Variants in PTPRK observed in about 807,000 individuals in gnomAD.
The protein encoded by PTPRK is receptor-type tyrosine-protein phosphatase kappa.
In PTPRK, 75 loss-of-function variants were observed where a neutral mutation model predicts 178.0. The observed-to-expected ratio is 0.42, with a 90% CI of 0.35 to 0.51. PTPRK has a LOEUF of 0.51. Among genes scored for constraint, PTPRK ranks in the 20% least tolerant of loss-of-function variants. PTPRK has a pLI of 0.02. For synonymous variants in PTPRK, 637 were observed against 620.6 expected, an observed-to-expected ratio of 1.03 and a Z score of -0.39; for missense variants, 1,441 against 1,797.8, an observed-to-expected ratio of 0.80 and a Z score of 3.59.
At chr6:128,207,698 T>C (rs957414042) in intron 6 of PTPRK, among the ~76,000 whole-genome samples, 2 of 152,154 alleles carry the variant, frequency 1.3e-5, no homozygotes, top group Non-Finnish European at 2.9e-5. Context: ...GTATCTAATA[T>C]GTTGAAATTA....
chr6:128,275,133 T>C (rs1344839539), intron 3 of PTPRK, among the ~76,000 whole-genome samples: 1 of 152,044 alleles, frequency 6.6e-6, no homozygotes, highest in Non-Finnish European at 1.5e-5. Flanking sequence ...AACATAACAC[T>C]TATGATATAG....
Position 128,137,062 on chromosome 6 carries a change from GA to G in PTPRK, c.1163-47071del, listed in dbSNP as rs1795120320. Among the ~76,000 whole-genome samples, 4 of 152,228 alleles carry G rather than the reference GA, an allele frequency of 2.6e-5. No individual in the cohort carries two copies. The East Asian group carries it at 7.7e-4, about 29-fold the overall frequency. On this transcript the variant is annotated intron_variant, in intron 7 of 29. Transcript: ENST00000368226. ...GTTTTGCTTGTAGGGTTCCACTTGTGAGAGCTATACTCTGCAGGGGACAAAA... is the reference window on the plus strand; with the variant it reads ...GTTTTGCTTGTAGGGTTCCACTTGTGGAGCTATACTCTGCAGGGGACAAAA...
At chr6:128,349,350 G>A (rs1326668787) in intron 2 of PTPRK, among the ~76,000 whole-genome samples, 1 of 151,990 alleles carries the variant, frequency 6.6e-6, no homozygotes, top group Non-Finnish European at 1.5e-5. Context: ...CTGGATAGTG[G>A]TTTATAATTG....
chr6:128,401,872 A>C (rs569786656), intron 1 of PTPRK, among the ~76,000 whole-genome samples: 78 of 152,242 alleles, frequency 5.1e-4, no homozygotes, highest in Non-Finnish European at 9.6e-4. Flanking sequence ...ATGATCCTCA[A>C]AAATGGACAA....
At chr6:127,995,375 G>T in intron 18 of PTPRK, 87 bp downstream of exon 18, 1 of 1,503,894 alleles carries the variant, frequency 6.6e-7, no homozygotes, top group Middle Eastern at 1.7e-4. Flanking sequence ...ATTTTAAAAA[G>T]CTAGCAATCA....
intron 7 of PTPRK, among the ~76,000 whole-genome samples, chr6:128,132,624 C>T (rs1794428811): frequency 6.6e-6 from 1 of 152,244 alleles, no homozygotes; most frequent in South Asian, 2.1e-4. Context: ...GACACCACTA[C>T]TATGTGAACA....
chr6:128,135,426 AGTT>A (rs1327849673), intron 7 of PTPRK, among the ~76,000 whole-genome samples: 1 of 152,182 alleles, frequency 6.6e-6, no homozygotes, highest in Non-Finnish European at 1.5e-5. Context: ...AGATATAAGG[AGTT>A]GTTGTGTCTA....
intron 7 of PTPRK, among the ~76,000 whole-genome samples, chr6:128,114,238 T>C (rs1447766438): frequency 6.6e-6 from 1 of 151,990 alleles, no homozygotes; most frequent in Non-Finnish European, 1.5e-5. Flanking sequence ...CTTACAATTA[T>C]GGCAGAAGGT....
At chr6:128,228,169 G>A (rs1168825191) in intron 5 of PTPRK, among the ~76,000 whole-genome samples, 1 of 151,482 alleles carries the variant, frequency 6.6e-6, no homozygotes, top group East Asian at 1.9e-4. Context: ...GAAATTATGA[G>A]TAACTACAGT....
chr6:128,173,122 G>A (rs1442886722), intron 7 of PTPRK, among the ~76,000 whole-genome samples: 6 of 151,968 alleles, frequency 3.9e-5, no homozygotes, highest in Admixed American at 3.3e-4. Flanking sequence ...ATTTGATTCT[G>A]CCCTTAGCAT....
intron 2 of PTPRK, among the ~76,000 whole-genome samples, chr6:128,335,740 A>G (rs1235262589): frequency 6.6e-6 from 1 of 152,060 alleles, no homozygotes; most frequent in African/African-American, 2.4e-5. Context: ...TTTTGGTCAC[A>G]AGATCGTCAA....
At chr6:128,513,585 T>C (rs926435957) in intron 1 of PTPRK, among the ~76,000 whole-genome samples, 1 of 152,162 alleles carries the variant, frequency 6.6e-6, no homozygotes, top group Non-Finnish European at 1.5e-5. Flanking sequence ...TTATCATTAA[T>C]CCTTTTGCAA....
chr6:128,162,102 A>C (rs1271639663), intron 7 of PTPRK, among the ~76,000 whole-genome samples: 1 of 151,668 alleles, frequency 6.6e-6, no homozygotes, highest in Admixed American at 6.6e-5. Context: ...TTTAAATAAC[A>C]GTAAGTGGCA....
intron 6 of PTPRK, among the ~76,000 whole-genome samples, chr6:128,211,035 T>C (rs2128265299): frequency 6.6e-6 from 1 of 152,270 alleles, no homozygotes; most frequent in East Asian, 1.9e-4. Context: ...GTTATGTGCC[T>C]ATAACAAGGA....
chr6:128,210,173 C>T (rs1224204488), intron 6 of PTPRK, among the ~76,000 whole-genome samples: 2 of 151,970 alleles, frequency 1.3e-5, no homozygotes, highest in Non-Finnish European at 2.9e-5. Flanking sequence ...CATTCAAAGG[C>T]TATGCAATAA....
At chr6:128,000,595 T>G (rs1049170758) in intron 15 of PTPRK, among the ~76,000 whole-genome samples, 1 of 152,080 alleles carries the variant, frequency 6.6e-6, no homozygotes, top group African/African-American at 2.4e-5. Context: ...GAGAGTTTCC[T>G]GTTCTCACTA....
intron 1 of PTPRK, among the ~76,000 whole-genome samples, chr6:128,433,421 C>G (rs1440316349): frequency 6.6e-6 from 1 of 152,142 alleles, no homozygotes; most frequent in Non-Finnish European, 1.5e-5. Flanking sequence ...ATAGTGAACT[C>G]CACGTCCATC....
intron 5 of PTPRK, among the ~76,000 whole-genome samples, chr6:128,228,996 C>CA (rs1318774523): frequency 6.6e-6 from 1 of 151,932 alleles, no homozygotes; most frequent in Non-Finnish European, 1.5e-5. Context: ...ATCAAGGGCA[C>CA]AAAAAACTAT....
intron 1 of PTPRK, among the ~76,000 whole-genome samples, chr6:128,423,932 T>C (rs1017762983): frequency 6.6e-6 from 1 of 151,680 alleles, no homozygotes; most frequent in Non-Finnish European, 1.5e-5. Context: ...AAAAAAAGGT[T>C]TATTATGGCT....
Sources: allele counts gnomAD v4.1 joint callset (sites outside exome capture counted in the v4.1 genomes callset), GRCh38; gene constraint gnomAD v4.1.1; transcripts MANE v1.5; gene names NCBI Gene and HGNC (gene_info 2026-07-23, HGNC 2026-07-21).